The following PRKCE variants were observed in gnomAD, a reference collection of about 807,000 sequenced individuals.
The protein encoded by PRKCE is protein kinase C epsilon.
PRKCE carries 16 observed loss-of-function variants against 85.4 expected under a neutral mutation model. The observed-to-expected ratio is 0.19, with a 90% confidence interval of 0.13 to 0.28. The LOEUF is 0.28. Ranked by LOEUF, PRKCE falls within the 10% of genes least tolerant of loss-of-function variation. The pLI is 1.00. For synonymous variants in PRKCE, 388 were observed against 371.5 expected (o/e 1.04, Z -0.51); for missense variants, 573 against 975.2 (o/e 0.59, Z 5.49).
chr2:45,711,812 A>G (rs111535547), intron 1 of PRKCE, among the ~76,000 whole-genome samples: 8,166 of 152,210 alleles, frequency 0.054, 304 homozygotes, highest in Non-Finnish European at 0.081. Flanking sequence ...TTTAGTAGAG[A>G]TGGGGTTTCA....
At chr2:46,143,111 T>A (rs574544802) in intron 11 of PRKCE, among the ~76,000 whole-genome samples, 58 of 152,288 alleles carry the variant, frequency 3.8e-4, no homozygotes, top group African/African-American at 1.3e-3. Context: ...TCCAGCTTCC[T>A]TTGACGTATT....
Position 45,891,451 on chromosome 2 carries a change from C to A in PRKCE, c.412+48388C>A, listed in dbSNP as rs555370034. ...CAAAAGCTGCCACCATTGCTCCCAT[C>A]CTGATGCTGGCTATCACTACTGAAT... On this transcript the variant is annotated intron_variant, in intron 2 of 14. Transcript: ENST00000306156. Among the ~76,000 whole-genome samples, 4 of 152,338 alleles carry A rather than the reference C, an allele frequency of 2.6e-5. No homozygotes were observed. In the East Asian group the frequency reaches 5.8e-4, roughly 22 times the overall value.
At chr2:46,183,961 C>T (rs964739356) in intron 14 of PRKCE, among the ~76,000 whole-genome samples, 1 of 152,170 alleles carries the variant, frequency 6.6e-6, no homozygotes, top group African/African-American at 2.4e-5. Flanking sequence ...ACCCCACCCC[C>T]CAAGAACCAT....
chr2:45,828,038 G>T (rs1044792316), intron 1 of PRKCE, among the ~76,000 whole-genome samples: 1 of 152,122 alleles, frequency 6.6e-6, no homozygotes, highest in Non-Finnish European at 1.5e-5. Flanking sequence ...CTGAATAGCT[G>T]GATGATAGGC....
At chr2:45,919,214 G>A (rs945974206) in intron 2 of PRKCE, among the ~76,000 whole-genome samples, 6 of 152,350 alleles carry the variant, frequency 3.9e-5, no homozygotes, top group African/African-American at 1.4e-4. Context: ...CTCTTGGGCT[G>A]ATGCCGTACG....
rs1228984344 is a variant in PRKCE at position 45,697,442 on chromosome 2, A to G, written c.348+44994A>G. ...CATTTTATTTATTTAGCCAGGACAG[A>G]TAAGGACTAACAAACAAAACCAAAC... is the stretch of plus-strand genomic sequence containing the variant. On this transcript the variant is annotated intron_variant, in intron 1 of 14. Coordinates refer to ENST00000306156, the MANE Select transcript of PRKCE (RefSeq NM_005400.3). This position sits in a 1 kb window ranked among gnomAD's most constrained non-coding sequence, Gnocchi z 4.2. Among the ~76,000 whole-genome samples the G allele has an allele frequency of 6.6e-6, 1 of 152,164 alleles. No homozygotes were observed. The highest frequency in any genetic ancestry group is 2.4e-5 in the African/African-American group (1 of 41,416).
intron 2 of PRKCE, among the ~76,000 whole-genome samples, chr2:45,937,573 G>C (rs1379647555): frequency 6.6e-6 from 1 of 152,128 alleles, no homozygotes; most frequent in African/African-American, 2.4e-5. Flanking sequence ...AAATTAGCCA[G>C]GCCTGGTGGC....
At chr2:45,987,834 C>G (rs904927827) in intron 6 of PRKCE, among the ~76,000 whole-genome samples, 2 of 152,220 alleles carry the variant, frequency 1.3e-5, no homozygotes, top group Non-Finnish European at 2.9e-5. Flanking sequence ...CTTTCTCCTC[C>G]TTAAGGCTTC....
At chr2:45,700,339 T>C (rs894214836) in intron 1 of PRKCE, among the ~76,000 whole-genome samples, 11 of 151,444 alleles carry the variant, frequency 7.3e-5, no homozygotes, top group African/African-American at 2.7e-4. Flanking sequence ...GAGGGAGACA[T>C]AGATGGTAAG....
rs146794037 is a variant in PRKCE, at chr2:45,864,907, C to T, written c.412+21844C>T. On this transcript the variant is annotated intron_variant, in intron 2 of 14. Transcript: ENST00000306156. Reference sequence around the variant, plus strand: ...AATACATCAACATCACCTGCAGGGCCAGTTACAGCTTGCTGGGCTCCACCT... The same window carrying T: ...AATACATCAACATCACCTGCAGGGCTAGTTACAGCTTGCTGGGCTCCACCT... 4.8e-4 allele frequency among the ~76,000 whole-genome samples: 73 copies of T among 152,274 alleles called. No homozygotes were observed. In the South Asian group the frequency reaches 6.8e-3, roughly 14 times the overall value.
chr2:46,054,948 T>C lies in PRKCE; in HGVS notation c.1438-31260T>C, dbSNP rs1217193144. Among the ~76,000 whole-genome samples the C allele has an allele frequency of 2.0e-5, 3 of 152,132 alleles. No homozygotes were observed. In the East Asian group the frequency reaches 5.8e-4, roughly 29 times the overall value. ...GTAGCTTCAGAAAGGAGTCTGGCCATCCCGGGGAAGATCACTTCCCACTCC... is the reference window on the plus strand; with the variant it reads ...GTAGCTTCAGAAAGGAGTCTGGCCACCCCGGGGAAGATCACTTCCCACTCC... On this transcript the variant is annotated intron_variant, in intron 10 of 14. Coordinates refer to ENST00000306156, the MANE Select transcript of PRKCE (RefSeq NM_005400.3).
intron 10 of PRKCE, among the ~76,000 whole-genome samples, chr2:46,075,279 G>A (rs536782109): frequency 2.6e-5 from 4 of 151,882 alleles, no homozygotes; most frequent in East Asian, 2.0e-4. Context: ...CTCGTGATCC[G>A]CCCACCTCGG....
intron 5 of PRKCE, among the ~76,000 whole-genome samples, chr2:45,981,474 C>T (rs1380894862): frequency 6.6e-6 from 1 of 152,318 alleles, no homozygotes; most frequent in East Asian, 1.9e-4. Flanking sequence ...CTTCTCTCTC[C>T]TTCTGCTTTC....
At chr2:46,026,990 G>A (rs1238685569) in intron 10 of PRKCE, among the ~76,000 whole-genome samples, 1 of 152,114 alleles carries the variant, frequency 6.6e-6, no homozygotes, top group East Asian at 1.9e-4. Context: ...AACATAGTGA[G>A]ACCCTGTCTC....
At chr2:46,086,420 C>G in intron 11 of PRKCE, 58 bp downstream of exon 11, 1 of 1,558,118 alleles carries the variant, frequency 6.4e-7, no homozygotes. Context: ...ATGCTTCAGA[C>G]ACTTGAACTG....
intron 2 of PRKCE, among the ~76,000 whole-genome samples, chr2:45,892,899 C>T (rs552938732): frequency 6.6e-6 from 1 of 152,140 alleles, no homozygotes; most frequent in African/African-American, 2.4e-5. Context: ...TAATGTACCC[C>T]CCGGGGTTGC....
At chr2:46,051,564 G>C (rs1349916570) in intron 10 of PRKCE, among the ~76,000 whole-genome samples, 1 of 152,184 alleles carries the variant, frequency 6.6e-6, no homozygotes, top group Non-Finnish European at 1.5e-5. Flanking sequence ...GACATTTCCT[G>C]AATCTAGCAC....
At chr2:45,975,223 A>G (rs910874158) in intron 2 of PRKCE, among the ~76,000 whole-genome samples, 8 of 152,216 alleles carry the variant, frequency 5.3e-5, no homozygotes, top group African/African-American at 1.2e-4. Context: ...GATGTATTGT[A>G]TCACTAAGAT....
chr2:45,718,415 G>A (rs1680331266), intron 1 of PRKCE, among the ~76,000 whole-genome samples: 1 of 144,364 alleles, frequency 6.9e-6, no homozygotes, highest in Non-Finnish European at 1.5e-5. Context: ...CGTGATCTCG[G>A]CTCACTGCAA....
Sources: allele counts gnomAD v4.1 joint callset (sites outside exome capture counted in the v4.1 genomes callset), GRCh38; gene constraint gnomAD v4.1.1; non-coding constraint Gnocchi (gnomAD v3.1); transcripts MANE v1.5; gene names NCBI Gene and HGNC (gene_info 2026-07-23, HGNC 2026-07-21).